The following PDE7B variants were observed in gnomAD, a reference collection of about 807,000 sequenced individuals.
The protein encoded by PDE7B is phosphodiesterase 7B, also known as 3',5'-cyclic-AMP phosphodiesterase 7B.
In PDE7B, 29 loss-of-function variants were observed where a neutral mutation model predicts 56.2. That is an observed-to-expected ratio of 0.52 (90% CI 0.38 to 0.70). The LOEUF (loss-of-function observed/expected upper bound fraction) is 0.70. PDE7B is among the 30% of genes least tolerant of loss of function. PDE7B has a pLI of 0.00. For missense variants in PDE7B, 490 were observed against 565.0 expected (o/e 0.87, Z 1.35); for synonymous variants, 197 against 196.9 (o/e 1.00, Z 0.00).
At chr6:136,179,560 C>G (rs751064558) in intron 10 of PDE7B, among the ~76,000 whole-genome samples, 2 of 152,212 alleles carry the variant, frequency 1.3e-5, no homozygotes, top group Non-Finnish European at 1.5e-5. Context: ...TGTTCAGTAA[C>G]TGATTTATCA....
intron 1 of PDE7B, among the ~76,000 whole-genome samples, chr6:135,945,371 C>T (rs1774577691): frequency 6.6e-6 from 1 of 152,184 alleles, no homozygotes; most frequent in African/African-American, 2.4e-5. Context: ...ATTGAGAACT[C>T]AATGCTCTTT....
In PDE7B at chr6:135,996,931, C is replaced by A. The variant is rs376009477; in HGVS notation, c.82+49407C>A. Among the ~76,000 whole-genome samples, 6 of 152,140 alleles carry A rather than the reference C, an allele frequency of 3.9e-5. No homozygotes were observed. The South Asian group carries it at 8.3e-4, about 21-fold the overall frequency. Reference sequence around the variant, plus strand: ...TAGTCACATTAAATTTGAGTATAGTCCATTGGAGATATGCTACTGTGATCA... The same window carrying A: ...TAGTCACATTAAATTTGAGTATAGTACATTGGAGATATGCTACTGTGATCA... On this transcript the variant is annotated intron_variant, in intron 2 of 12. Coordinates refer to ENST00000308191, the MANE Select transcript of PDE7B (RefSeq NM_018945.4).
intron 3 of PDE7B, among the ~76,000 whole-genome samples, chr6:136,122,870 T>C (rs1777959930): frequency 6.6e-6 from 1 of 152,200 alleles, no homozygotes. Context: ...TGTATCTCTC[T>C]GCAGGCAGCT....
chr6:135,896,361 A>G (rs1775901901), intron 1 of PDE7B, among the ~76,000 whole-genome samples: 2 of 151,766 alleles, frequency 1.3e-5, no homozygotes, highest in Non-Finnish European at 2.9e-5. Context: ...TAAGATAACT[A>G]CTCCAACCCA....
At chr6:136,160,574 A>G (rs762543666) in intron 8 of PDE7B, among the ~76,000 whole-genome samples, 4 of 152,124 alleles carry the variant, frequency 2.6e-5, no homozygotes, top group Non-Finnish European at 4.4e-5. Context: ...ACCTACTCTC[A>G]GCCTTGCCTG....
chr6:135,990,098 GTT>G (rs34915536), intron 2 of PDE7B, among the ~76,000 whole-genome samples: 1 of 137,784 alleles, frequency 7.3e-6, no homozygotes. Flanking sequence ...GGGTTTTTTT[GTT>G]TTTTTTTTTT....
At chr6:136,177,773 G>C (rs1290021492) in intron 9 of PDE7B, among the ~76,000 whole-genome samples, 1 of 152,026 alleles carries the variant, frequency 6.6e-6, no homozygotes, top group Non-Finnish European at 1.5e-5. Context: ...CCCAAATATA[G>C]ACCCCAGGGA....
chr6:136,173,745 A>T (rs1778931069), intron 8 of PDE7B, 52 bp from the exon 9 acceptor site: 11 of 1,155,686 alleles, frequency 9.5e-6, no homozygotes, highest in Non-Finnish European at 1.2e-5. Context: ...AGCATGAAAG[A>T]TCAGTATCTG....
intron 2 of PDE7B, among the ~76,000 whole-genome samples, chr6:136,063,603 C>G (rs904412586): frequency 6.6e-6 from 1 of 152,222 alleles, no homozygotes; most frequent in African/African-American, 2.4e-5. Context: ...ATGCTATTCT[C>G]TGGGAAATCT....
At chr6:135,920,316 C>T (rs1053573432) in intron 1 of PDE7B, among the ~76,000 whole-genome samples, 1 of 152,072 alleles carries the variant, frequency 6.6e-6, no homozygotes, top group African/African-American at 2.4e-5. Flanking sequence ...TATTTAACAC[C>T]TAGGTTGGCA....
In PDE7B at chr6:136,062,869, T is replaced by C. The variant is rs1486679147; in HGVS notation, c.83-45862T>C. 7.9e-5 allele frequency among the ~76,000 whole-genome samples: 12 copies of C among 152,280 alleles called. 1 individual carries two copies. Among genetic ancestry groups the C allele is most frequent in the African/African-American group, 2.9e-4 (12 of 41,556 alleles). On this transcript the variant is annotated intron_variant, in intron 2 of 12. Coordinates refer to ENST00000308191, the MANE Select transcript of PDE7B (RefSeq NM_018945.4). ...CATGCACTAGAATCTAGCAGTTGATTCTAGCCCATCTCAGATTCTTGTGGA... is the reference window on the plus strand; with the variant it reads ...CATGCACTAGAATCTAGCAGTTGATCCTAGCCCATCTCAGATTCTTGTGGA...
At chr6:136,112,204 G>T (rs1395822098) in intron 3 of PDE7B, among the ~76,000 whole-genome samples, 1 of 152,154 alleles carries the variant, frequency 6.6e-6, no homozygotes, top group African/African-American at 2.4e-5. Context: ...GTTTGTCACA[G>T]GAGGGCAGAG....
chr6:136,078,329 A>G (rs746632232), intron 2 of PDE7B, among the ~76,000 whole-genome samples: 1 of 152,204 alleles, frequency 6.6e-6, no homozygotes, highest in Non-Finnish European at 1.5e-5. Context: ...ACTTTCCAAC[A>G]TTTAACTAAG....
chr6:135,888,231 A>C (rs1288419947), intron 1 of PDE7B, among the ~76,000 whole-genome samples: 1 of 152,192 alleles, frequency 6.6e-6, no homozygotes, highest in African/African-American at 2.4e-5. Context: ...CAAGAAGAGG[A>C]CTACTTAGTA....
chr6:136,109,518 A>T (rs1415030934), intron 3 of PDE7B, among the ~76,000 whole-genome samples: 6 of 152,140 alleles, frequency 3.9e-5, no homozygotes, highest in African/African-American at 1.4e-4. Context: ...CCTGTTATGG[A>T]ATTCTCACTT....
chr6:135,961,689 A>G (rs1774905571), intron 2 of PDE7B, among the ~76,000 whole-genome samples: 1 of 152,198 alleles, frequency 6.6e-6, no homozygotes, highest in Non-Finnish European at 1.5e-5. Context: ...AAATGATCCT[A>G]GTAAGTGCTT....
chr6:135,967,769 C>T (rs1266459029), intron 2 of PDE7B, among the ~76,000 whole-genome samples: 1 of 152,168 alleles, frequency 6.6e-6, no homozygotes, highest in African/African-American at 2.4e-5. Flanking sequence ...TAGGAAAGCT[C>T]ATGGCCGAAT....
At chr6:135,852,307 TTAAA>T (rs1454471364) in intron 1 of PDE7B, among the ~76,000 whole-genome samples, 1 of 151,830 alleles carries the variant, frequency 6.6e-6, no homozygotes, top group Non-Finnish European at 1.5e-5. Context: ...GAGGTGGTCT[TTAAA>T]AAAAAAAATA....
Position 135,895,824 on chromosome 6 carries a change from T to C in PDE7B, c.21+43805T>C, listed in dbSNP as rs1390559917. On this transcript the variant is annotated intron_variant, in intron 1 of 12. Transcript: ENST00000308191. ...GAAAAAAGGCAGAAAGGGAAAAGAATACAAGGAGGATTTGGGCAATAAAAG... is the reference window on the plus strand; with the variant it reads ...GAAAAAAGGCAGAAAGGGAAAAGAACACAAGGAGGATTTGGGCAATAAAAG... 2.0e-5 allele frequency among the ~76,000 whole-genome samples: 3 copies of C among 152,066 alleles called. No individual in the cohort carries two copies. The East Asian group carries it at 5.8e-4, about 29-fold the overall frequency.
Sources: gnomAD v4.1 joint callset for allele counts (sites outside exome capture counted in the v4.1 genomes callset) on GRCh38, gnomAD v4.1.1 for gene constraint, MANE v1.5 for transcripts, NCBI Gene and HGNC (gene_info 2026-07-23, HGNC 2026-07-21) for gene names.